The following MBTD1 variants were observed in gnomAD, a reference collection of about 807,000 sequenced individuals.
MBTD1 encodes the protein mbt domain containing 1.
Under a neutral mutation model 87.8 loss-of-function variants are expected in MBTD1, and 24 were observed. That is an observed-to-expected ratio of 0.27 (90% CI 0.20 to 0.38). The LOEUF (loss-of-function observed/expected upper bound fraction) is 0.38. Ranked by LOEUF, MBTD1 falls within the 10% of genes least tolerant of loss-of-function variation. MBTD1 has a pLI of 1.00. For missense variants in MBTD1, 436 were observed against 760.2 expected (o/e 0.57, Z 5.02); for synonymous variants, 237 against 248.6 (o/e 0.95, Z 0.44).
chr17:51,223,424 T>C (rs1351973594), intron 3 of MBTD1, among the ~76,000 whole-genome samples: 2 of 151,890 alleles, frequency 1.3e-5, no homozygotes, highest in Non-Finnish European at 2.9e-5. Flanking sequence ...CAGTACCAGC[T>C]ACTTGGGAGG....
Position 51,237,558 on chromosome 17 carries a change from T to A in MBTD1, c.-48-12349A>T, listed in dbSNP as rs567186757. Among the ~76,000 whole-genome samples the A allele has an allele frequency of 2.6e-5, 4 of 152,114 alleles. No homozygotes were observed. The East Asian group carries it at 7.7e-4, about 29-fold the overall frequency. Reference sequence around the variant, plus strand: ...AATTCAAAGATATACAGATGGCAAGTAACAACATGAAAAGATGCTCAACAT... The same window carrying A: ...AATTCAAAGATATACAGATGGCAAGAAACAACATGAAAAGATGCTCAACAT... On this transcript the variant is annotated intron_variant, in intron 2 of 16. Transcript: ENST00000586178.
chr17:51,190,289 CTTTT>C (rs2050732416), intron 16 of MBTD1, among the ~76,000 whole-genome samples: 1 of 152,004 alleles, frequency 6.6e-6, no homozygotes, highest in Admixed American at 6.6e-5. Context: ...TTTTTTCTTC[CTTTT>C]TTTGTTTTTA....
chr17:51,209,243 T>C, intron 6 of MBTD1: 1 of 387,422 alleles, frequency 2.6e-6, no homozygotes, highest in Admixed American at 2.9e-5. Flanking sequence ...GCAGGAGGGA[T>C]ACCTCTGAAA....
At chr17:51,206,830 T>G in intron 7 of MBTD1, 58 bp downstream of exon 7, 1 of 1,172,416 alleles carries the variant, frequency 8.5e-7, no homozygotes, top group Non-Finnish European at 1.2e-6. Flanking sequence ...ATGCTTTTTT[T>G]ACGAAAGGTT....
chr17:51,233,603 C>A (rs1012396025), intron 2 of MBTD1, among the ~76,000 whole-genome samples: 12 of 151,590 alleles, frequency 7.9e-5, no homozygotes, highest in Non-Finnish European at 1.6e-4. Context: ...CCTAGAAGAT[C>A]CAAAATCCAA....
chr17:51,244,920 A>T (rs1239211196), intron 2 of MBTD1, among the ~76,000 whole-genome samples: 1 of 151,342 alleles, frequency 6.6e-6, no homozygotes, highest in African/African-American at 2.4e-5. Flanking sequence ...TTTTTTTTTT[A>T]ATGGAGTTCT....
chr17:51,214,189 A>G (rs915719733), intron 6 of MBTD1, among the ~76,000 whole-genome samples: 1 of 152,000 alleles, frequency 6.6e-6, no homozygotes, highest in African/African-American at 2.4e-5. Context: ...CTGGCCTCAA[A>G]CTCCTGGCCT....
intron 16 of MBTD1, chr17:51,191,741 C>T (rs1369793044): frequency 6.3e-6 from 1 of 157,534 alleles, no homozygotes. Context: ...GCCACCACGC[C>T]CGGCAGATTT....
chr17:51,238,406 C>A (rs2053973275), intron 2 of MBTD1, among the ~76,000 whole-genome samples: 2 of 151,994 alleles, frequency 1.3e-5, no homozygotes, highest in African/African-American at 4.8e-5. Context: ...TCAAAGTAAC[C>A]AAGAAAGAGG....
At chr17:51,215,404 A>AT (rs927286421) in intron 6 of MBTD1, among the ~76,000 whole-genome samples, 6 of 152,080 alleles carry the variant, frequency 3.9e-5, no homozygotes, top group South Asian at 2.1e-4. Flanking sequence ...TTGAAATGCC[A>AT]TTTTTTTTAA....
intron 6 of MBTD1, among the ~76,000 whole-genome samples, chr17:51,213,147 T>C (rs2143444359): frequency 1.3e-5 from 2 of 152,310 alleles, no homozygotes; most frequent in Middle Eastern, 3.4e-3. Context: ...CAAGCAATTC[T>C]TCCCCTTCAG....
At chr17:51,247,441 CTTTTT>C (rs58720477) in intron 2 of MBTD1, among the ~76,000 whole-genome samples, 147 of 132,042 alleles carry the variant, frequency 1.1e-3, no homozygotes, top group African/African-American at 4.1e-3. Context: ...ATCAGTATTA[CTTTTT>C]TTTTTTTTTT....
intron 2 of MBTD1, among the ~76,000 whole-genome samples, chr17:51,230,683 C>T (rs1388065263): frequency 2.6e-5 from 4 of 152,138 alleles, no homozygotes. Context: ...CTAGAATAAA[C>T]TTAGCACACT....
intron 13 of MBTD1, 136 bp from the exon 14 acceptor site, chr17:51,193,646 C>T (rs2050920250): frequency 1.6e-6 from 1 of 622,892 alleles, no homozygotes; most frequent in African/African-American, 1.9e-5. Flanking sequence ...GAGACAGGGT[C>T]TTGCTCTGTC....
chr17:51,195,646 T>C (rs574658475), intron 12 of MBTD1, among the ~76,000 whole-genome samples: 1 of 152,344 alleles, frequency 6.6e-6, no homozygotes, highest in South Asian at 2.1e-4. Flanking sequence ...TGTCACGGCA[T>C]CATGAAACTG....
At chr17:51,253,240 C>G (rs951910995) in intron 2 of MBTD1, among the ~76,000 whole-genome samples, 2 of 152,082 alleles carry the variant, frequency 1.3e-5, no homozygotes, top group Non-Finnish European at 2.9e-5. Context: ...CACTATCTTT[C>G]CGGAAGGCAA....
Position 51,234,370 on chromosome 17 carries a change from G to A in MBTD1, c.-48-9161C>T, listed in dbSNP as rs189181398. On this transcript the variant is annotated intron_variant, in intron 2 of 16. Coordinates refer to ENST00000586178, the MANE Select transcript of MBTD1 (RefSeq NM_017643.3). ...ATTGCACCACTGCACTCCAGCTTGG[G>A]CCACAGAGGAGAGACTTTGTCCCCG... 2.2e-4 allele frequency among the ~76,000 whole-genome samples: 30 copies of A among 133,932 alleles called. No individual in the cohort carries two copies. The East Asian group carries it at 5.9e-3, about 26-fold the overall frequency. 87.9% of individuals were successfully genotyped at this position (133,932 alleles called of 152,430 possible).
Position 51,201,682 on chromosome 17 carries a change from G to A in MBTD1, c.1134C>T (p.Asp378=). Reference sequence around the variant, plus strand: ...CTTCCTTGAACCATTCCCCACTCTGGTCTACTTCTTTTACCTAAAGAATTA... The same window carrying A: ...CTTCCTTGAACCATTCCCCACTCTGATCTACTTCTTTTACCTAAAGAATTA... ...PHLFAKVKEV[D]QSGEWFKEGM... The change falls in exon 12 of 17, where the codon GAC becomes GAT. Residue 378 remains aspartate (D), a synonymous_variant. Coordinates refer to ENST00000586178, the MANE Select transcript of MBTD1 (RefSeq NM_017643.3). The A allele has an allele frequency of 1.9e-6, 3 of 1,603,820 alleles. No individual in the cohort carries two copies. Among genetic ancestry groups the A allele is most frequent in the Non-Finnish European group, 2.6e-6 (3 of 1,172,140 alleles).
rs577582374 is a variant in MBTD1 at position 51,223,392 on chromosome 17, C to T, written c.154+1616G>A. The stretch of plus-strand genomic sequence containing the variant: ...CTCTGAAAAAAATACAAAAATTAGC[C>T]AGGTATGGTAGCATGTGCCTACAGT... On this transcript the variant is annotated intron_variant, in intron 3 of 16. Transcript: ENST00000586178. Among the ~76,000 whole-genome samples, 5 of 151,296 alleles carry T rather than the reference C, an allele frequency of 3.3e-5. No individual in the cohort carries two copies. In the South Asian group the frequency reaches 1.0e-3, roughly 32 times the overall value.
Sources: gnomAD v4.1 joint callset for allele counts (sites outside exome capture counted in the v4.1 genomes callset) on GRCh38, gnomAD v4.1.1 for gene constraint, MANE v1.5 for transcripts, NCBI Gene and HGNC (gene_info 2026-07-23, HGNC 2026-07-21) for gene names.